Variants in RGS5 observed in about 807,000 individuals in gnomAD.
RGS5 encodes regulator of G-protein signalling 5.
In RGS5, 20 loss-of-function variants were observed where a neutral mutation model predicts 18.9. The observed-to-expected ratio is 1.06, with a 90% confidence interval of 0.74 to 1.54. The LOEUF (loss-of-function observed/expected upper bound fraction) is 1.54. Among genes scored for constraint, RGS5 ranks in the 40% most tolerant of loss-of-function variants. The pLI, the probability that RGS5 is intolerant of heterozygous loss-of-function variation, is 0.00. For synonymous variants in RGS5, 57 were observed against 76.2 expected, an observed-to-expected ratio of 0.75 and a Z score of 1.31; for missense variants, 201 against 211.8, an observed-to-expected ratio of 0.95 and a Z score of 0.32.
At chr1:163,159,928 T>G (rs1296298388) in intron 3 of RGS5, among the ~76,000 whole-genome samples, 1 of 152,088 alleles carries the variant, frequency 6.6e-6, no homozygotes. Flanking sequence ...CACACACAAG[T>G]GCATGTATAT....
intron 1 of RGS5, chr1:163,211,839 T>C (rs1203757494): frequency 6.6e-6 from 1 of 152,134 alleles, no homozygotes; most frequent in African/African-American, 2.4e-5. Flanking sequence ...GCTGTATTTA[T>C]CCTCAAGGTC....
At chr1:163,218,459 A>G (rs898810942), upstream of RGS5, among the ~76,000 whole-genome samples, 15 of 152,138 alleles carry the variant, frequency 9.9e-5, no homozygotes, top group African/African-American at 3.4e-4. Flanking sequence ...TTAATTTTGT[A>G]TATCTTAAAT....
upstream of RGS5, among the ~76,000 whole-genome samples, chr1:163,206,441 T>C (rs377758964): frequency 5.3e-5 from 8 of 152,218 alleles, no homozygotes; most frequent in East Asian, 1.9e-4. Context: ...TCACACTTAG[T>C]ACCTGTTAAG....
intron 2 of RGS5, among the ~76,000 whole-genome samples, chr1:163,285,726 T>TA (rs1426234458): frequency 2.0e-5 from 3 of 152,034 alleles, no homozygotes; most frequent in African/African-American, 4.8e-5. Flanking sequence ...GTTCTCTTGA[T>TA]AGAGTTCTCA....
At chr1:163,162,380 C>T (rs1657838778) in intron 2 of RGS5, among the ~76,000 whole-genome samples, 1 of 152,166 alleles carries the variant, frequency 6.6e-6, no homozygotes, top group Admixed American at 6.5e-5. Flanking sequence ...ACCAATACTG[C>T]ATGTTAACCA....
intron 1 of RGS5, among the ~76,000 whole-genome samples, chr1:163,178,912 C>A (rs1658681398): frequency 6.6e-6 from 1 of 152,160 alleles, no homozygotes; most frequent in Non-Finnish European, 1.5e-5. Context: ...TCTGTCCAAG[C>A]AATATCATAA....
At chr1:163,289,499 T>C in intron 2 of RGS5, among the ~76,000 whole-genome samples, 1 of 152,136 alleles carries the variant, frequency 6.6e-6, no homozygotes, top group South Asian at 2.1e-4. Context: ...CCTTTTTAAA[T>C]ATCTTTGTTC....
upstream of RGS5, among the ~76,000 whole-genome samples, chr1:163,204,900 G>T (rs1015081197): frequency 6.6e-6 from 1 of 152,108 alleles, no homozygotes. Context: ...AGCAATGGAG[G>T]GTGATGTCTT....
At chr1:163,238,628 G>T in intron 2 of RGS5, 1 of 237,306 alleles carries the variant, frequency 4.2e-6, no homozygotes, top group South Asian at 8.8e-5. Context: ...AAAACGCTTG[G>T]GTGGAATATC....
chr1:163,201,159 C>T (rs1301334635), intron 1 of RGS5, among the ~76,000 whole-genome samples: 1 of 152,128 alleles, frequency 6.6e-6, no homozygotes, highest in African/African-American at 2.4e-5. Context: ...TAAGAGTACA[C>T]AATTTCAAAC....
chr1:163,278,587 T>A (rs1213863692), intron 2 of RGS5, among the ~76,000 whole-genome samples: 1 of 151,950 alleles, frequency 6.6e-6, no homozygotes, highest in Non-Finnish European at 1.5e-5. Context: ...AAAAATCAAA[T>A]GTTATCACTA....
chr1:163,283,459 CTTATGA>C (rs1485909815), intron 2 of RGS5, among the ~76,000 whole-genome samples: 3 of 152,282 alleles, frequency 2.0e-5, no homozygotes, highest in African/African-American at 7.2e-5. Flanking sequence ...TATCTCTTTA[CTTATGA>C]TTATGATAAT....
chr1:163,166,596 G>A (rs184028605), intron 2 of RGS5, among the ~76,000 whole-genome samples: 40 of 152,298 alleles, frequency 2.6e-4, no homozygotes, highest in African/African-American at 9.4e-4. Flanking sequence ...AAGAGAGTGG[G>A]AAACTTTTTT....
At chr1:163,172,556 A>G (rs1557889050) in intron 1 of RGS5, 21 of 1,549,648 alleles carry the variant, frequency 1.4e-5, no homozygotes, top group Non-Finnish European at 1.7e-5. Context: ...AGACTAACAT[A>G]CCAGAACATC....
Position 163,152,695 on chromosome 1 carries a change from CT to C in RGS5, c.238del (p.Ser80ValfsTer3), listed in dbSNP as rs770237874. On this transcript the variant is annotated frameshift_variant, in exon 4 of 5. Coordinates refer to ENST00000313961, the MANE Select transcript of RGS5 (RefSeq NM_003617.4). LOFTEE classifies it high-confidence loss of function. Reference sequence around the variant, plus strand: ...CTCACTGAATTCAGACTTCAGGAAACTTTTGAAACTGGCAAGTCCATCTGGA... The same window carrying C: ...CTCACTGAATTCAGACTTCAGGAAACTTTGAAACTGGCAAGTCCATCTGGA... ...QNNYGLASFK[S>X]FLKSEFSEEN... The C allele has an allele frequency of 1.9e-6, 3 of 1,595,092 alleles. No individual in the cohort carries two copies. Among genetic ancestry groups the C allele is most frequent in the East Asian group, 4.5e-5 (2 of 44,634 alleles).
At chr1:163,171,397 C>G (rs1056862919) in intron 1 of RGS5, among the ~76,000 whole-genome samples, 4 of 152,152 alleles carry the variant, frequency 2.6e-5, no homozygotes, top group African/African-American at 9.7e-5. Context: ...AGGTCCCTCC[C>G]TTCCTGTGCA....
At chr1:163,283,728 G>T (rs535270850) in intron 2 of RGS5, among the ~76,000 whole-genome samples, 54 of 152,298 alleles carry the variant, frequency 3.5e-4, no homozygotes, top group African/African-American at 1.3e-3. Context: ...AAGCTGCCAT[G>T]TTGTGAAAGC....
intron 1 of RGS5, among the ~76,000 whole-genome samples, chr1:163,209,271 C>T (rs1446452504): frequency 6.6e-6 from 1 of 152,100 alleles, no homozygotes; most frequent in Admixed American, 6.5e-5. Context: ...CTATTCTTTT[C>T]CACCAGTATA....
At chr1:163,155,033 T>A (rs1390248470) in intron 3 of RGS5, among the ~76,000 whole-genome samples, 1 of 152,116 alleles carries the variant, frequency 6.6e-6, no homozygotes, top group Non-Finnish European at 1.5e-5. Context: ...ATAGTCTCTG[T>A]CAAAATGAAA....
Sources: allele counts gnomAD v4.1 joint callset (sites outside exome capture counted in the v4.1 genomes callset), GRCh38; gene constraint gnomAD v4.1.1; transcripts MANE v1.5; gene names NCBI Gene and HGNC (gene_info 2026-07-23, HGNC 2026-07-21).